STPG4: variants seen among roughly 807,000 people sequenced by gnomAD.
The protein encoded by STPG4 is protein STPG4.
A neutral mutation model predicts 31.5 loss-of-function variants in STPG4; 41 were observed. The observed-to-expected ratio is 1.30, with a 90% CI of 1.01 to 1.69. STPG4 has a LOEUF of 1.69. STPG4 is among the 40% of genes most tolerant of loss of function. The pLI, the probability that STPG4 is intolerant of heterozygous loss-of-function variation, is 0.00. For synonymous variants in STPG4, 141 were observed against 103.0 expected (o/e 1.37, Z -2.24); for missense variants, 375 against 293.4 (o/e 1.28, Z -2.03).
intron 5 of STPG4, among the ~76,000 whole-genome samples, chr2:47,107,496 C>G (rs568196823): frequency 6.6e-6 from 1 of 152,184 alleles, no homozygotes; most frequent in Non-Finnish European, 1.5e-5. Context: ...GGTTTCTCAC[C>G]GGGTCTTAGC....
chr2:47,134,711 G>A (rs1686561609), intron 3 of STPG4, among the ~76,000 whole-genome samples: 1 of 152,136 alleles, frequency 6.6e-6, no homozygotes, highest in South Asian at 2.1e-4. Flanking sequence ...AAGTCCTGTG[G>A]GTAAATACTA....
At chr2:47,118,949 G>C (rs1013849122) in intron 5 of STPG4, among the ~76,000 whole-genome samples, 14 of 152,102 alleles carry the variant, frequency 9.2e-5, no homozygotes, top group Non-Finnish European at 1.5e-4. Flanking sequence ...CTAATTTTTA[G>C]AACAATTAAA....
At chr2:47,120,022 G>T (rs1686234916) in intron 5 of STPG4, among the ~76,000 whole-genome samples, 1 of 152,142 alleles carries the variant, frequency 6.6e-6, no homozygotes, top group Non-Finnish European at 1.5e-5. Context: ...GGATAAAAAA[G>T]AGGCTTGGTT....
At chr2:47,099,893 G>A (rs1685755127) in intron 5 of STPG4, among the ~76,000 whole-genome samples, 1 of 152,186 alleles carries the variant, frequency 6.6e-6, no homozygotes. Context: ...GCTGCGGAGG[G>A]TGTACTGGGT....
intron 5 of STPG4, among the ~76,000 whole-genome samples, chr2:47,117,292 C>T (rs980990706): frequency 9.9e-5 from 15 of 152,184 alleles, no homozygotes; most frequent in African/African-American, 2.9e-4. Flanking sequence ...TCACTGCAAC[C>T]TCCTCCTTCT....
At chr2:47,119,713 T>G (rs1686228259) in intron 5 of STPG4, among the ~76,000 whole-genome samples, 1 of 152,200 alleles carries the variant, frequency 6.6e-6, no homozygotes, top group East Asian at 1.9e-4. Context: ...GCTCACCCAG[T>G]GCAGTAAGAC....
At chr2:47,132,166 A>C (rs201093544) in intron 3 of STPG4, among the ~76,000 whole-genome samples, 1 of 120,586 alleles carries the variant, frequency 8.3e-6, no homozygotes, top group South Asian at 2.4e-4. Context: ...CTCACTCTGA[A>C]AAAAAAAAAA....
chr2:47,107,011 C>A (rs1685926803), intron 5 of STPG4, among the ~76,000 whole-genome samples: 1 of 152,010 alleles, frequency 6.6e-6, no homozygotes, highest in South Asian at 2.1e-4. Flanking sequence ...AGGGCCCCTT[C>A]ATCGCCCCTC....
Position 47,087,026 on chromosome 2 carries a change from G to A in STPG4, c.729C>T (p.Asn243=). ...GQEHSLFFNN[N]NWLLK is the part of the protein sequence containing the mutation. ...GATCACTTTATTTTAAAAGCCAATT[G>A]TTGTTGTTGAAGAAAAGGCTATGCT... The change falls in exon 7 of 7, where the codon AAC becomes AAT. Residue 243 remains asparagine, a synonymous_variant. Transcript: ENST00000445927. 1.3e-6 allele frequency: 2 copies of A among 1,551,546 alleles called. No individual in the cohort carries two copies. Among genetic ancestry groups the A allele is most frequent in the African/African-American group, 1.4e-5 (1 of 73,162 alleles).
intron 3 of STPG4, among the ~76,000 whole-genome samples, chr2:47,132,334 A>T (rs960851239): frequency 1.3e-5 from 2 of 152,118 alleles, no homozygotes; most frequent in Admixed American, 6.5e-5. Flanking sequence ...TCCACTCCCT[A>T]TTATTTTTAT....
intron 5 of STPG4, chr2:47,128,800 C>G (rs1359012448): frequency 6.6e-6 from 1 of 152,196 alleles, no homozygotes; most frequent in African/African-American, 2.4e-5. Context: ...GAACTGGTAC[C>G]CAAGCTGCAA....
chr2:47,129,910 A>T (rs1040563613), intron 5 of STPG4, 31 bp downstream of exon 5: 2 of 1,602,818 alleles, frequency 1.2e-6, no homozygotes, highest in Non-Finnish European at 1.7e-6. Context: ...CATCAAATTC[A>T]TCATGAGTTA....
chr2:47,097,774 A>G (rs1573149785), intron 5 of STPG4, among the ~76,000 whole-genome samples: 2 of 152,294 alleles, frequency 1.3e-5, no homozygotes, highest in Middle Eastern at 3.4e-3. Flanking sequence ...AAGTGGACCA[A>G]GAAACATGTG....
Position 47,152,969 on chromosome 2 carries a change from T to A in STPG4, c.129A>T (p.Arg43Ser). The change falls in exon 2 of 7, where the codon AGA (arginine) becomes AGT (serine). Residue 43 changes from arginine to serine, a missense_variant. Transcript: ENST00000445927. ...TSSFEREGWW[R>S]IALTDTPIPG... The stretch of plus-strand genomic sequence containing the variant: ...ACAATGTACATACTGTTAATGCTAT[T>A]CTCCACCATCCTTCTCTTTCAAAAG... The A allele has an allele frequency of 1.9e-6, 3 of 1,610,466 alleles. No homozygotes were observed. The East Asian group carries it at 6.7e-5, about 36-fold the overall frequency.
In STPG4 at chr2:47,151,443, T is replaced by C. The variant is rs1686934935; in HGVS notation, c.214A>G (p.Thr72Ala). Residue 72 changes from threonine (T) to alanine (A), a missense_variant, in exon 3 of 7, where the codon ACC (threonine) becomes GCC (alanine). Physicochemically the swap from Thr to Ala is moderately conservative, Grantham distance 58. Transcript: ENST00000445927. ...CTTCCTTCGTTTTTAAAATTGTAGG[T>C]TGCTATCACTGGATTTAATAGGGAT... ...EESLLNPVIA[T>A]YNFKNEGRKK... 3 of 1,613,940 alleles carry C rather than the reference T, an allele frequency of 1.9e-6. No individual in the cohort carries two copies. Among genetic ancestry groups the C allele is most frequent in the South Asian group, 2.2e-5 (2 of 91,082 alleles).
intron 5 of STPG4, among the ~76,000 whole-genome samples, chr2:47,125,724 A>AT (rs59579520): frequency 0.57 from 84,334 of 149,178 alleles, 24,281 homozygotes; most frequent in East Asian, 0.82. Context: ...CTTAGATTTA[A>AT]TTTTTTTTTT....
chr2:47,101,057 A>G (rs115958869), intron 5 of STPG4, among the ~76,000 whole-genome samples: 8,381 of 151,876 alleles, frequency 0.055, 423 homozygotes, highest in African/African-American at 0.11. Context: ...ATCGCCGAGC[A>G]ATGAGACCAT....
intron 5 of STPG4, among the ~76,000 whole-genome samples, chr2:47,112,957 G>C (rs1034196201): frequency 7.3e-6 from 1 of 136,622 alleles, no homozygotes; most frequent in Non-Finnish European, 1.5e-5. Flanking sequence ...ATGTCACTGC[G>C]CTCCAGCCTG....
intron 1 of STPG4, among the ~76,000 whole-genome samples, chr2:47,153,479 G>A (rs1235564738): frequency 2.6e-5 from 4 of 152,230 alleles, no homozygotes; most frequent in African/African-American, 4.8e-5. Flanking sequence ...TATGCCAGAT[G>A]TGGTGGCTCA....
Sources: gnomAD v4.1 joint callset for allele counts (sites outside exome capture counted in the v4.1 genomes callset) on GRCh38, gnomAD v4.1.1 for gene constraint, MANE v1.5 for transcripts, NCBI Gene and HGNC (gene_info 2026-07-23, HGNC 2026-07-21) for gene names.